ZMYM2: variants seen among roughly 807,000 people sequenced by gnomAD.
ZMYM2 encodes zinc finger MYM-type containing 2, also known as zinc finger MYM-type protein 2.
ZMYM2 carries 56 observed loss-of-function variants against 162.8 expected under a neutral mutation model. The ratio of observed to expected loss-of-function variants is 0.34; its 90% confidence interval spans 0.28 to 0.43. The LOEUF (loss-of-function observed/expected upper bound fraction) is 0.43. Ranked by LOEUF, ZMYM2 falls within the 20% of genes least tolerant of loss-of-function variation. ZMYM2 has a pLI of 1.00. For missense variants in ZMYM2, 1,275 were observed against 1,621.8 expected, an observed-to-expected ratio of 0.79 and a Z score of 3.67; for synonymous variants, 510 against 541.6, an observed-to-expected ratio of 0.94 and a Z score of 0.81.
chr13:20,051,996 A>T (rs259791), intron 13 of ZMYM2, among the ~76,000 whole-genome samples: 15,732 of 151,828 alleles, frequency 0.1, 1,322 homozygotes, highest in African/African-American at 0.22. Context: ...TAATTTTTTT[A>T]AAAAAAATAT....
intron 7 of ZMYM2, among the ~76,000 whole-genome samples, chr13:20,023,421 T>G (rs1046457090): frequency 6.6e-6 from 1 of 152,214 alleles, no homozygotes; most frequent in East Asian, 1.9e-4. Context: ...ACTTCCTATA[T>G]GTAGAAGGAA....
the ZMYM2 span, among the ~76,000 whole-genome samples, chr13:19,895,394 C>T: frequency 5.7e-3 from 868 of 151,950 alleles, 9 homozygotes; most frequent in Non-Finnish European, 8.9e-3. Context: ...AAGGAATTTA[C>T]GGTAATTCAT....
intron 21 of ZMYM2, among the ~76,000 whole-genome samples, chr13:20,075,966 G>A (rs1957474338): frequency 6.6e-6 from 1 of 150,816 alleles, no homozygotes; most frequent in African/African-American, 2.5e-5. Flanking sequence ...AAAGTTCTAG[G>A]ATTACAGGCA....
chr13:19,982,934 A>T (rs542477597), intron 2 of ZMYM2, among the ~76,000 whole-genome samples: 19 of 150,388 alleles, frequency 1.3e-4, no homozygotes, highest in Non-Finnish European at 2.2e-4. Flanking sequence ...CGTTTTTTTT[A>T]AAAAAACCCT....
the ZMYM2 span, among the ~76,000 whole-genome samples, chr13:19,884,558 G>GA: frequency 4.6e-5 from 7 of 151,944 alleles, no homozygotes; most frequent in East Asian, 1.4e-3. Context: ...GGGCAACAGA[G>GA]AAGGAAACCT....
the ZMYM2 span, among the ~76,000 whole-genome samples, chr13:19,869,934 A>C: frequency 6.6e-6 from 1 of 152,178 alleles, no homozygotes; most frequent in African/African-American, 2.4e-5. Context: ...AATAACAAAT[A>C]CTTATCGTGT....
intron 6 of ZMYM2, among the ~76,000 whole-genome samples, chr13:20,008,662 C>G (rs1950934692): frequency 6.6e-6 from 1 of 152,178 alleles, no homozygotes; most frequent in Non-Finnish European, 1.5e-5. Context: ...CAAAAATGTG[C>G]ATACATTCTG....
intron 2 of ZMYM2, among the ~76,000 whole-genome samples, chr13:19,991,079 CTGTGTGTGTGTGTGTGTG>C (rs56666919): frequency 3.3e-5 from 2 of 59,946 alleles, no homozygotes; most frequent in African/African-American, 6.2e-5. Flanking sequence ...TATGTATTTT[CTGTGTGTGTGTGTGTGTG>C]TGTGTGTGTG....
At position 20,027,278 on chromosome 13, in the gene ZMYM2, T is replaced by C. The variant is rs552824265; in HGVS notation, c.1811T>C (p.Leu604Pro). The change falls in exon 9 of 25, where the codon CTG becomes CCG. Residue 604 changes from leucine to proline, a missense_variant. Physicochemically the swap from Leu to Pro is moderately conservative, Grantham distance 98. This residue lies in a region of ZMYM2 where 276 missense variants were observed against 311.8 expected (regional missense o/e 0.89). Coordinates refer to ENST00000610343, the MANE Select transcript of ZMYM2 (RefSeq NM_197968.4). ...QYQATMPDGK[L>P]YNFCNSSCVA... The stretch of plus-strand genomic sequence containing the variant: ...CAAGCCACAATGCCTGATGGAAAAC[T>C]GTACAACTTTTGCAATTCCAGTTGT... 3 of 1,581,190 alleles carry C rather than the reference T, an allele frequency of 1.9e-6. No individual in the cohort carries two copies.
intron 2 of ZMYM2, among the ~76,000 whole-genome samples, chr13:19,972,337 TGGTCCCTGTCTC>T (rs1014631514): frequency 3.3e-5 from 5 of 152,220 alleles, no homozygotes; most frequent in Admixed American, 2.6e-4. Context: ...TTTGGTTTTC[TGGTCCCTGTCTC>T]CATTCTGCAA....
chr13:19,893,199 GA>G, the ZMYM2 span, among the ~76,000 whole-genome samples: 1 of 144,234 alleles, frequency 6.9e-6, no homozygotes, highest in Non-Finnish European at 1.5e-5. Context: ...TTGGGAGGCC[GA>G]GGTGGGCCGA....
chr13:19,992,509 A>C (rs1480402097), intron 2 of ZMYM2, among the ~76,000 whole-genome samples: 3 of 152,148 alleles, frequency 2.0e-5, no homozygotes, highest in Non-Finnish European at 4.4e-5. Flanking sequence ...GTAGTGAGCC[A>C]TGGTCACAAC....
intron 21 of ZMYM2, among the ~76,000 whole-genome samples, chr13:20,077,268 A>G (rs1957573885): frequency 6.6e-6 from 1 of 150,548 alleles, no homozygotes; most frequent in African/African-American, 2.5e-5. Flanking sequence ...TGCTTTCCAC[A>G]TACTATGCTA....
chr13:20,006,610 T>C, intron 6 of ZMYM2, 24 bp downstream of exon 6: 1 of 1,608,698 alleles, frequency 6.2e-7, no homozygotes, highest in Non-Finnish European at 8.5e-7. Flanking sequence ...TAATCAAAAT[T>C]GGGCATTCTT....
At chr13:19,968,626 T>C (rs891948511) in intron 2 of ZMYM2, among the ~76,000 whole-genome samples, 8 of 152,234 alleles carry the variant, frequency 5.3e-5, no homozygotes, top group Non-Finnish European at 8.8e-5. Flanking sequence ...GCTCTTACTA[T>C]GCTTTTAACT....
chr13:20,040,569 A>G lies in ZMYM2; in HGVS notation c.2292+3660A>G, dbSNP rs1045973436. 2.0e-5 allele frequency among the ~76,000 whole-genome samples: 3 copies of G among 151,950 alleles called. No homozygotes were observed. The East Asian group carries it at 5.8e-4, about 29-fold the overall frequency. Reference sequence around the variant, plus strand: ...TAAAAAAACACTCCTGGATTTATTGATCTATTGAATGGTTTTTCATGTCTC... The same window carrying G: ...TAAAAAAACACTCCTGGATTTATTGGTCTATTGAATGGTTTTTCATGTCTC... On this transcript the variant is annotated intron_variant, in intron 12 of 24. Coordinates refer to ENST00000610343, the MANE Select transcript of ZMYM2 (RefSeq NM_197968.4).
At chr13:19,896,531 C>T in the ZMYM2 span, among the ~76,000 whole-genome samples, 1 of 149,526 alleles carries the variant, frequency 6.7e-6, no homozygotes, top group Non-Finnish European at 1.5e-5. Context: ...CTGAGGTGGG[C>T]AGATCACAAG....
the ZMYM2 span, among the ~76,000 whole-genome samples, chr13:19,920,736 G>GTGTATGTATGTA: frequency 3.9e-4 from 58 of 149,964 alleles, no homozygotes; most frequent in South Asian, 5.7e-3. Context: ...TCATTTATGT[G>GTGTATGTATGTA]TGTATGTATG....
chr13:20,074,829 C>G (rs1311039541), intron 21 of ZMYM2, among the ~76,000 whole-genome samples: 2 of 151,462 alleles, frequency 1.3e-5, no homozygotes, highest in Non-Finnish European at 2.9e-5. Context: ...TGAGCCACTG[C>G]GCCCGGCCTT....
Sources: gnomAD v4.1 joint callset for allele counts (sites outside exome capture counted in the v4.1 genomes callset) on GRCh38, gnomAD v4.1.1 for gene constraint, gnomAD v4.1.1 regional missense constraint, MANE v1.5 for transcripts, NCBI Gene and HGNC (gene_info 2026-07-23, HGNC 2026-07-21) for gene names.